Variants in DNAH12 observed in about 807,000 individuals in gnomAD.
DNAH12 encodes dynein axonemal heavy chain 12, also known as axonemal beta dynein heavy chain 12.
DNAH12 carries 285 observed loss-of-function variants against 371.5 expected under a neutral mutation model. That is an observed-to-expected ratio of 0.77 (90% CI 0.70 to 0.85). The LOEUF (loss-of-function observed/expected upper bound fraction) is 0.85, where lower values mean the gene tolerates loss of function less well. Among genes scored for constraint, DNAH12 ranks in the 40% least tolerant of loss-of-function variants. The pLI, the probability that DNAH12 is intolerant of heterozygous loss-of-function variation, is 0.00. For missense variants in DNAH12, 3,611 were observed against 3,689.4 expected (o/e 0.98, Z 0.55); for synonymous variants, 1,200 against 1,213.0 (o/e 0.99, Z 0.22).
chr3:57,314,891 A>G (rs1338355405), intron 65 of DNAH12, among the ~76,000 whole-genome samples: 1 of 152,244 alleles, frequency 6.6e-6, no homozygotes, highest in Non-Finnish European at 1.5e-5. Context: ...TCATTTTACC[A>G]AAGTATTGAC....
At chr3:57,315,592 T>G (rs577543907) in intron 65 of DNAH12, among the ~76,000 whole-genome samples, 35 of 152,180 alleles carry the variant, frequency 2.3e-4, no homozygotes, top group African/African-American at 8.2e-4. Context: ...GTCTTTGGAC[T>G]CTATCTAGAC....
intron 13 of DNAH12, among the ~76,000 whole-genome samples, chr3:57,479,009 G>A (rs2066638569): frequency 6.6e-6 from 1 of 152,174 alleles, no homozygotes; most frequent in South Asian, 2.1e-4. Flanking sequence ...GGAAGAAACT[G>A]CATCAAGTAA....
chr3:57,508,591 A>T (rs2067865401), intron 6 of DNAH12, 51 bp from the exon 7 acceptor site: 3 of 1,554,644 alleles, frequency 1.9e-6, no homozygotes, highest in Admixed American at 4.3e-5. Context: ...TACACCCTAA[A>T]CTTTAGGAAA....
In DNAH12 at chr3:57,404,920, TAAC is replaced by T. The variant is rs565550694; in HGVS notation, c.6755+46_6755+48del. The T allele has an allele frequency of 5.7e-6, 8 of 1,409,400 alleles. 1 individual carries two copies. In the South Asian group the frequency reaches 1.4e-4, roughly 24 times the overall value. The allele number at this position is 1,409,400 out of a possible 1,614,324, so 87.3% of individuals were successfully genotyped here. A position where few individuals can be genotyped will look rare whatever the true frequency, so the allele number is the denominator to read the frequency against. On this transcript the variant is annotated intron_variant, in intron 42 of 73. Coordinates refer to ENST00000495027, the MANE Select transcript of DNAH12 (RefSeq NM_001366028.2). ...TTGGTACATTTCAAACATTTCATAATAACATTTTACAGATAGCAATTTCAAGCA... is the reference window on the plus strand; with the variant it reads ...TTGGTACATTTCAAACATTTCATAATATTTTACAGATAGCAATTTCAAGCA...
At chr3:57,365,862 C>CATAT (rs1277920997) in intron 57 of DNAH12, among the ~76,000 whole-genome samples, 14,769 of 147,736 alleles carry the variant, frequency 0.1, 805 homozygotes, top group African/African-American at 0.15. Context: ...TGTGTGTACA[C>CATAT]ATATATATAT....
intron 12 of DNAH12, among the ~76,000 whole-genome samples, chr3:57,485,714 A>G (rs2066903454): frequency 6.6e-6 from 1 of 152,096 alleles, no homozygotes; most frequent in Admixed American, 6.5e-5. Context: ...CCATTATTCT[A>G]AGTGAAGTAA....
intron 30 of DNAH12, among the ~76,000 whole-genome samples, chr3:57,436,599 A>G (rs1267087395): frequency 6.6e-6 from 1 of 152,232 alleles, no homozygotes; most frequent in African/African-American, 2.4e-5. Flanking sequence ...ACTTCCAGGT[A>G]TGATACAAAG....
rs2061685201 is a variant in DNAH12, at chr3:57,316,300, G to A, written c.10525-1669C>T. On this transcript the variant is annotated intron_variant, in intron 65 of 73. Coordinates refer to ENST00000495027, the MANE Select transcript of DNAH12 (RefSeq NM_001366028.2). ...TGACTCATTCAAACTCCTTAGCAAG[G>A]CATGTAAAGACTTCCAGTCTTGACC... 2.0e-5 allele frequency among the ~76,000 whole-genome samples: 3 copies of A among 152,054 alleles called. No homozygotes were observed. The South Asian group carries it at 6.2e-4, about 32-fold the overall frequency.
At chr3:57,509,298 G>T in intron 5 of DNAH12, 86 bp from the exon 6 acceptor site, 1 of 1,298,826 alleles carries the variant, frequency 7.7e-7, no homozygotes, top group Non-Finnish European at 1.1e-6. Context: ...ATTTTGGATG[G>T]TATAGTTTAC....
chr3:57,322,782 TA>T (rs2061837986), intron 64 of DNAH12, among the ~76,000 whole-genome samples: 1 of 152,054 alleles, frequency 6.6e-6, no homozygotes, highest in Non-Finnish European at 1.5e-5. Flanking sequence ...ATACAAAAAT[TA>T]GCCGAGCATG....
chr3:57,521,732 C>A (rs2068453692), intron 4 of DNAH12, among the ~76,000 whole-genome samples: 1 of 151,628 alleles, frequency 6.6e-6, no homozygotes, highest in Non-Finnish European at 1.5e-5. Flanking sequence ...ACTAAAAATA[C>A]AAAAATTAGC....
intron 26 of DNAH12, 76 bp downstream of exon 26, chr3:57,446,461 T>C: frequency 6.9e-7 from 1 of 1,458,346 alleles, no homozygotes; most frequent in South Asian, 1.5e-5. Flanking sequence ...TAAACATGAG[T>C]TTGCTTCCAT....
At chr3:57,351,588 G>A (rs1422730440) in intron 60 of DNAH12, among the ~76,000 whole-genome samples, 1 of 152,062 alleles carries the variant, frequency 6.6e-6, no homozygotes, top group Non-Finnish European at 1.5e-5. Context: ...CAAAACAAAT[G>A]AACTAGCCTC....
intron 13 of DNAH12, among the ~76,000 whole-genome samples, chr3:57,478,921 G>A (rs920721033): frequency 6.6e-6 from 1 of 152,128 alleles, no homozygotes; most frequent in African/African-American, 2.4e-5. Context: ...GCTCCTGAAG[G>A]AAGCGCTAAA....
intron 29 of DNAH12, among the ~76,000 whole-genome samples, chr3:57,438,932 A>AAAAAAAAAAAAAAAAAT (rs2065219497): frequency 6.9e-6 from 1 of 144,622 alleles, no homozygotes; most frequent in Non-Finnish European, 1.5e-5. Flanking sequence ...AAAAAAAAAA[A>AAAAAAAAAAAAAAAAAT]GGAAAGCAAC....
chr3:57,528,440 G>T (rs2068723986), intron 2 of DNAH12, among the ~76,000 whole-genome samples: 1 of 151,514 alleles, frequency 6.6e-6, no homozygotes, highest in South Asian at 2.1e-4. Context: ...TATTAATTCT[G>T]CTGGGCCAGG....
intron 44 of DNAH12, among the ~76,000 whole-genome samples, chr3:57,392,282 G>C (rs2063640733): frequency 6.6e-6 from 1 of 151,950 alleles, no homozygotes; most frequent in Non-Finnish European, 1.5e-5. Flanking sequence ...TATCTGCCAA[G>C]AATTTACCTT....
At chr3:57,466,873 G>GC (rs2066218123) in intron 17 of DNAH12, among the ~76,000 whole-genome samples, 1 of 151,956 alleles carries the variant, frequency 6.6e-6, no homozygotes, top group African/African-American at 2.4e-5. Context: ...AGCCTCCCGA[G>GC]TAGCTGGGAC....
intron 36 of DNAH12, among the ~76,000 whole-genome samples, chr3:57,420,615 G>T (rs775487476): frequency 2.0e-5 from 3 of 151,006 alleles, no homozygotes; most frequent in Non-Finnish European, 4.4e-5. Flanking sequence ...GATTCTTAAA[G>T]AATATGCTTG....
Sources: gnomAD v4.1 joint callset for allele counts (sites outside exome capture counted in the v4.1 genomes callset) on GRCh38, gnomAD v4.1.1 for gene constraint, MANE v1.5 for transcripts, NCBI Gene and HGNC (gene_info 2026-07-23, HGNC 2026-07-21) for gene names.